Variants in PTPRZ1 observed in about 807,000 individuals in gnomAD.
The protein encoded by PTPRZ1 is protein tyrosine phosphatase receptor type Z1.
Under a neutral mutation model 214.1 loss-of-function variants are expected in PTPRZ1, and 82 were observed. That is an observed-to-expected ratio of 0.38 (90% CI 0.32 to 0.46). The LOEUF is 0.46. Ranked by LOEUF, PTPRZ1 falls within the 20% of genes least tolerant of loss-of-function variation. The pLI is 1.00. For synonymous variants in PTPRZ1, 945 were observed against 987.9 expected (o/e 0.96, Z 0.81); for missense variants, 2,603 against 2,748.7 (o/e 0.95, Z 1.19).
chr7:121,972,829 A>G, intron 4 of PTPRZ1, 137 bp downstream of exon 4: 1 of 713,474 alleles, frequency 1.4e-6, no homozygotes. Context: ...TTAATATACT[A>G]GACTAAGCTA....
At chr7:122,057,931 GT>G in intron 27 of PTPRZ1, among the ~76,000 whole-genome samples, 1 of 146,754 alleles carries the variant, frequency 6.8e-6, no homozygotes, top group African/African-American at 2.6e-5. Context: ...AGCAATATCA[GT>G]TCAGTCATTC....
intron 6 of PTPRZ1, among the ~76,000 whole-genome samples, chr7:121,981,547 A>G (rs1181996707): frequency 6.6e-6 from 1 of 152,192 alleles, no homozygotes; most frequent in African/African-American, 2.4e-5. Context: ...ATTGCTGCCT[A>G]CATGAGTGAG....
chr7:121,889,427 C>A (rs1794512320), intron 1 of PTPRZ1, among the ~76,000 whole-genome samples: 1 of 152,144 alleles, frequency 6.6e-6, no homozygotes, highest in Non-Finnish European at 1.5e-5. Context: ...CTGACTGTCA[C>A]ATCTTTAGTT....
At chr7:121,989,741 G>C (rs1797890420) in intron 8 of PTPRZ1, among the ~76,000 whole-genome samples, 1 of 152,108 alleles carries the variant, frequency 6.6e-6, no homozygotes, top group African/African-American at 2.4e-5. Context: ...ATTGAGGATT[G>C]TATTTATATT....
intron 1 of PTPRZ1, among the ~76,000 whole-genome samples, chr7:121,924,165 A>C (rs1795684104): frequency 6.6e-6 from 1 of 152,138 alleles, no homozygotes; most frequent in South Asian, 2.1e-4. Context: ...AATGGAAAGA[A>C]ACAAAATATA....
intron 8 of PTPRZ1, among the ~76,000 whole-genome samples, chr7:121,995,698 C>T (rs1287830620): frequency 1.3e-5 from 2 of 152,090 alleles, no homozygotes; most frequent in East Asian, 1.9e-4. Flanking sequence ...TTTGTCAGCA[C>T]GTCTGAAAAA....
chr7:122,028,538 T>A lies in PTPRZ1; in HGVS notation c.4989-14T>A. 1 of 1,514,872 alleles carries A rather than the reference T, an allele frequency of 6.6e-7. No homozygotes were observed. The highest frequency in any genetic ancestry group is 9.2e-7 in the Non-Finnish European group (1 of 1,091,974). 93.8% of individuals were successfully genotyped at this position (1,514,872 alleles called of 1,614,324 possible). On this transcript the variant is annotated splice_polypyrimidine_tract_variant and intron_variant, in intron 13 of 29. Transcript: ENST00000393386. ...TAGCAACTAGTAGTATAAATTGTGT[T>A]CTTTTATTTCCAGGAAATGCTTCCA... is the stretch of plus-strand genomic sequence containing the variant.
intron 12 of PTPRZ1, among the ~76,000 whole-genome samples, chr7:122,016,350 T>A (rs1417641780): frequency 1.3e-5 from 2 of 152,102 alleles, no homozygotes; most frequent in South Asian, 2.1e-4. Flanking sequence ...TATTTTAATT[T>A]AGGTAACTCA....
intron 2 of PTPRZ1, among the ~76,000 whole-genome samples, chr7:121,959,833 C>G (rs1349974964): frequency 6.6e-6 from 1 of 152,100 alleles, no homozygotes; most frequent in East Asian, 1.9e-4. Flanking sequence ...GTTTAAATGA[C>G]TTTTTAATTT....
intron 23 of PTPRZ1, among the ~76,000 whole-genome samples, chr7:122,046,594 GAGAGA>G (rs1170790221): frequency 6.6e-6 from 1 of 151,770 alleles, no homozygotes; most frequent in East Asian, 1.9e-4. Flanking sequence ...AGAGAGAGAG[GAGAGA>G]AAAGACACAA....
chr7:122,031,354 C>G (rs777545014), intron 14 of PTPRZ1, 120 bp from the exon 15 acceptor site: 81 of 681,460 alleles, frequency 1.2e-4, no homozygotes, highest in Non-Finnish European at 1.8e-4. Flanking sequence ...CAATTGAATG[C>G]TGAGATTTAG....
At chr7:121,911,328 A>G (rs574646862) in intron 1 of PTPRZ1, among the ~76,000 whole-genome samples, 2 of 152,260 alleles carry the variant, frequency 1.3e-5, no homozygotes, top group African/African-American at 2.4e-5. Flanking sequence ...AAGCTTTCGC[A>G]TAATTTAAAA....
At chr7:121,983,559 T>C in intron 6 of PTPRZ1, 106 bp from the exon 7 acceptor site, 1 of 1,136,660 alleles carries the variant, frequency 8.8e-7, no homozygotes, top group Non-Finnish European at 1.2e-6. Context: ...AAATCTCAGT[T>C]TTGATTAAAT....
intron 22 of PTPRZ1, among the ~76,000 whole-genome samples, chr7:122,044,056 G>A (rs1036684745): frequency 2.0e-5 from 3 of 152,186 alleles, no homozygotes; most frequent in African/African-American, 7.2e-5. Flanking sequence ...GTTGCCAGAA[G>A]GGGTAGGCCC....
chr7:122,029,093 AG>A (rs143752749), intron 14 of PTPRZ1, among the ~76,000 whole-genome samples: 8,208 of 149,122 alleles, frequency 0.055, 365 homozygotes, highest in African/African-American at 0.12. Flanking sequence ...ATGTGAGAAA[AG>A]GGTTTTTTTT....
chr7:122,019,302 C>T (rs1798945197), intron 13 of PTPRZ1, 34 bp downstream of exon 13: 1 of 1,572,854 alleles, frequency 6.4e-7, no homozygotes, highest in African/African-American at 1.4e-5. Flanking sequence ...AAATTTAATT[C>T]ATAAAACTCA....
intron 14 of PTPRZ1, among the ~76,000 whole-genome samples, chr7:122,029,490 T>C (rs1332307386): frequency 6.6e-6 from 1 of 151,938 alleles, no homozygotes; most frequent in Non-Finnish European, 1.5e-5. Flanking sequence ...GGTCTAGAAT[T>C]GTGTGATCTG....
intron 13 of PTPRZ1, among the ~76,000 whole-genome samples, chr7:122,024,386 G>A (rs1799144465): frequency 6.6e-6 from 1 of 151,882 alleles, no homozygotes; most frequent in African/African-American, 2.4e-5. Context: ...TTTGGCTGGG[G>A]GTAGGGAGAT....
At chr7:121,929,282 A>C (rs993776983) in intron 2 of PTPRZ1, among the ~76,000 whole-genome samples, 3 of 151,934 alleles carry the variant, frequency 2.0e-5, no homozygotes, top group African/African-American at 7.2e-5. Context: ...CATGCAGTTT[A>C]CTCTTAAAAT....
Sources: gnomAD v4.1 joint callset for allele counts (sites outside exome capture counted in the v4.1 genomes callset) on GRCh38, gnomAD v4.1.1 for gene constraint, MANE v1.5 for transcripts, NCBI Gene and HGNC (gene_info 2026-07-23, HGNC 2026-07-21) for gene names.